Variants in EEF1D observed in about 807,000 individuals in gnomAD.
EEF1D encodes the protein eukaryotic translation elongation factor 1 delta, also known as elongation factor 1-delta.
In EEF1D, 47 loss-of-function variants were observed where a neutral mutation model predicts 63.9. The observed-to-expected ratio is 0.74, with a 90% CI of 0.58 to 0.94. The LOEUF (loss-of-function observed/expected upper bound fraction) is 0.94, where lower values mean the gene tolerates loss of function less well. Ranked by LOEUF, EEF1D falls within the 40% of genes least tolerant of loss-of-function variation. EEF1D has a pLI of 0.00. For synonymous variants in EEF1D, 412 were observed against 386.1 expected, an observed-to-expected ratio of 1.07 and a Z score of -0.79; for missense variants, 907 against 899.0, an observed-to-expected ratio of 1.01 and a Z score of -0.11.
chr8:143,586,359 CA>C, intron 4 of EEF1D, 69 bp from the exon 5 acceptor site: 5 of 1,362,072 alleles, frequency 3.7e-6, no homozygotes, highest in Non-Finnish European at 4.9e-6. Flanking sequence ...AAAAACAAAC[CA>C]AAAAACCCCA....
At chr8:143,588,018 A>G (rs1827042409) in intron 3 of EEF1D, among the ~76,000 whole-genome samples, 1 of 152,158 alleles carries the variant, frequency 6.6e-6, no homozygotes, top group African/African-American at 2.4e-5. Flanking sequence ...TCGGTAACAA[A>G]GGGCTGGAGT....
At chr8:143,582,165 G>A (rs3793369) in intron 5 of EEF1D, 9,476 of 152,398 alleles carry the variant, frequency 0.062, 345 homozygotes, top group East Asian at 0.15. Flanking sequence ...TTTGCCCAAC[G>A]TGCAAACCCA....
At chr8:143,587,555 C>G (rs1587168100) in intron 3 of EEF1D, 1 of 152,400 alleles carries the variant, frequency 6.6e-6, no homozygotes, top group African/African-American at 2.4e-5. Flanking sequence ...TCTTGAACTC[C>G]TGATCTCAGG....
At chr8:143,588,375 CT>C (rs1158873192) in intron 3 of EEF1D, among the ~76,000 whole-genome samples, 1 of 152,242 alleles carries the variant, frequency 6.6e-6, no homozygotes, top group African/African-American at 2.4e-5. Context: ...CCAGAGACCG[CT>C]GCTGGGGTTG....
chr8:143,589,356 G>A lies in EEF1D; in HGVS notation c.726C>T (p.Ala242=), dbSNP rs766479372. Residue 242 remains alanine (A), a synonymous_variant, in exon 3 of 10, where the codon GCC becomes GCT. Transcript: ENST00000618139. The part of the protein sequence containing the change: ...VWLEKPRYDA[A]ERGFYEALFD... Reference sequence around the variant, plus strand: ...ACAGGGCCTCGTAGAAGCCCCTCTCGGCTGCATCATACCGGGGCTTCTCCA... The same window carrying A: ...ACAGGGCCTCGTAGAAGCCCCTCTCAGCTGCATCATACCGGGGCTTCTCCA... The A allele has an allele frequency of 4.6e-5, 72 of 1,572,488 alleles. No individual in the cohort carries two copies. In the Middle Eastern group the frequency reaches 6.7e-4, roughly 15 times the overall value.
chr8:143,586,528 G>A (rs1826667993), intron 4 of EEF1D, among the ~76,000 whole-genome samples: 1 of 152,160 alleles, frequency 6.6e-6, no homozygotes, highest in South Asian at 2.1e-4. Flanking sequence ...GTGCACAGGC[G>A]CCGGCAGGAG....
chr8:143,589,373 G>A lies in EEF1D; in HGVS notation c.709C>T (p.Pro237Ser). The A allele has an allele frequency of 1.3e-6, 2 of 1,550,448 alleles. No homozygotes were observed. The highest frequency in any genetic ancestry group is 1.7e-6 in the Non-Finnish European group (2 of 1,144,144). The change falls in exon 3 of 10, where the codon CCC becomes TCC. Residue 237 changes from proline (P) to serine (S), a missense_variant. Transcript: ENST00000618139. Reference protein sequence around the residue: ...ALVREVWLEKPRYDAAERGFY... With the variant: ...ALVREVWLEKSRYDAAERGFY... ...CCCCTCTCGGCTGCATCATACCGGGGCTTCTCCAGCCACACCTCCCGAACC... is the reference window on the plus strand; with the variant it reads ...CCCCTCTCGGCTGCATCATACCGGGACTTCTCCAGCCACACCTCCCGAACC...
At chr8:143,591,837 G>C (rs889137584) in intron 2 of EEF1D, among the ~76,000 whole-genome samples, 1 of 152,218 alleles carries the variant, frequency 6.6e-6, no homozygotes, top group East Asian at 1.9e-4. Flanking sequence ...AACGCCCCCC[G>C]TGGGGTGCTG....
chr8:143,591,163 C>T (rs1038116047), intron 2 of EEF1D, among the ~76,000 whole-genome samples: 7 of 152,202 alleles, frequency 4.6e-5, no homozygotes, highest in Admixed American at 3.9e-4. Context: ...TCTCACAGTC[C>T]CAGGACATCA....
intron 5 of EEF1D, among the ~76,000 whole-genome samples, chr8:143,584,557 A>G (rs1826189668): frequency 6.6e-6 from 1 of 151,860 alleles, no homozygotes; most frequent in Admixed American, 6.6e-5. Context: ...ACAGAGCAAG[A>G]CTCTGTCCAC....
At chr8:143,586,552 C>A (rs1357138461) in intron 4 of EEF1D, among the ~76,000 whole-genome samples, 177 bp downstream of exon 4, 1 of 152,140 alleles carries the variant, frequency 6.6e-6, no homozygotes, top group African/African-American at 2.4e-5. Context: ...CCTGAGCAGA[C>A]CCGGCCCGGG....
intron 1 of EEF1D, chr8:143,593,811 C>A (rs1056714784): frequency 3.6e-5 from 35 of 971,082 alleles, no homozygotes; most frequent in Admixed American, 6.2e-5. Context: ...CCAGCACAGC[C>A]CCCCACACGT....
intron 1 of EEF1D, chr8:143,596,474 C>T (rs1828845519): frequency 6.6e-6 from 1 of 152,372 alleles, no homozygotes; most frequent in African/African-American, 2.4e-5. Context: ...GCCTGCGAGC[C>T]AGCTGCTTAA....
At chr8:143,590,361 A>G (rs893679792) in intron 2 of EEF1D, 7 of 632,332 alleles carry the variant, frequency 1.1e-5, no homozygotes, top group Non-Finnish European at 1.6e-5. Flanking sequence ...CTCCCAATAC[A>G]TGAACAATAT....
intron 5 of EEF1D, chr8:143,583,644 C>CG (rs1825977710): frequency 6.6e-6 from 1 of 152,310 alleles, no homozygotes; most frequent in Non-Finnish European, 1.5e-5. Context: ...CTTCCTGGGC[C>CG]CACCCACCCA....
intron 2 of EEF1D, 74 bp from the exon 3 acceptor site, chr8:143,590,155 ACCCTCCCCGTGCCCG>A (rs754200961): frequency 6.3e-5 from 85 of 1,344,138 alleles, no homozygotes; most frequent in South Asian, 2.3e-4. Flanking sequence ...CCCCGTGCCC[ACCCTCCCCGTGCCCG>A]CCCTCCCCGT....
At chr8:143,581,452 C>T (rs1014413253) in intron 5 of EEF1D, 124 bp from the exon 6 acceptor site, 14 of 794,158 alleles carry the variant, frequency 1.8e-5, no homozygotes, top group Non-Finnish European at 2.4e-5. Flanking sequence ...AGGTGCCCCC[C>T]GCTGATGCCC....
Position 143,580,066 on chromosome 8 carries a change from G to C in EEF1D, c.1851C>G (p.Asp617Glu), listed in dbSNP as rs142515892. 6.2e-7 allele frequency: 1 copy of C among 1,613,922 alleles called. No individual in the cohort carries two copies. The highest frequency in any genetic ancestry group is 1.1e-5 in the South Asian group (1 of 91,080). Residue 617 changes from aspartate (D) to glutamate (E), a missense_variant, in exon 9 of 10, where the codon GAC becomes GAG. Coordinates refer to ENST00000618139, the MANE Select transcript of EEF1D (RefSeq NM_001130053.5). ...RKLQIQCVVE[D>E]DKVGTDLLEE... is the part of the protein sequence containing the mutation. ...CCAGCAAGTCTGTCCCCACCTTGTC[G>C]TCCTCCACCACACACTGAATCTGTA...
intron 5 of EEF1D, among the ~76,000 whole-genome samples, chr8:143,585,025 T>C (rs1826292891): frequency 6.6e-6 from 1 of 152,138 alleles, no homozygotes; most frequent in Non-Finnish European, 1.5e-5. Context: ...TTCTGGACTT[T>C]GGAGGGACAC....
Sources: allele counts gnomAD v4.1 joint callset (sites outside exome capture counted in the v4.1 genomes callset), GRCh38; gene constraint gnomAD v4.1.1; transcripts MANE v1.5; gene names NCBI Gene and HGNC (gene_info 2026-07-23, HGNC 2026-07-21).